The following CTNNA3 variants were observed in gnomAD, a reference collection of about 807,000 sequenced individuals.
The protein encoded by CTNNA3 is catenin alpha-3.
A neutral mutation model predicts 95.7 loss-of-function variants in CTNNA3; 76 were observed. The ratio of observed to expected loss-of-function variants is 0.79; its 90% CI spans 0.66 to 0.96. The LOEUF is 0.96. Ranked by LOEUF, CTNNA3 falls within the 40% of genes least tolerant of loss-of-function variation. The probability of loss-of-function intolerance (pLI) is 0.00; values close to 1 mark genes in which losing one functional copy is unlikely to be tolerated. For missense variants in CTNNA3, 1,191 were observed against 1,089.8 expected (o/e 1.09, Z -1.31); for synonymous variants, 431 against 374.4 (o/e 1.15, Z -1.74).
chr10:67,364,119 T>A (rs1238073734), intron 5 of CTNNA3, among the ~76,000 whole-genome samples: 1 of 152,158 alleles, frequency 6.6e-6, no homozygotes, highest in African/African-American at 2.4e-5. Context: ...TCAAAAAGCT[T>A]ATCCACCATG....
intron 5 of CTNNA3, among the ~76,000 whole-genome samples, chr10:67,504,454 A>C (rs1310885300): frequency 1.3e-5 from 2 of 150,316 alleles, no homozygotes; most frequent in Non-Finnish European, 3.0e-5. Context: ...AAAAAAAAAA[A>C]AAAAAACAGA....
At chr10:67,293,979 G>A (rs75061354) in intron 5 of CTNNA3, among the ~76,000 whole-genome samples, 3 of 151,958 alleles carry the variant, frequency 2.0e-5, no homozygotes, top group Admixed American at 1.3e-4. Context: ...ATAAACATAC[G>A]ATAAATTACA....
chr10:66,531,161 C>T (rs1841453132), intron 10 of CTNNA3, among the ~76,000 whole-genome samples: 1 of 152,040 alleles, frequency 6.6e-6, no homozygotes, highest in African/African-American at 2.4e-5. Context: ...ATATAAAATG[C>T]ATTGCTTGTG....
At chr10:66,393,989 A>G (rs959608315) in intron 11 of CTNNA3, among the ~76,000 whole-genome samples, 2 of 152,084 alleles carry the variant, frequency 1.3e-5, no homozygotes, top group Admixed American at 1.3e-4. Flanking sequence ...TTCCAAATGT[A>G]TAATGGGAAG....
chr10:66,062,229 A>G (rs1172556364), intron 15 of CTNNA3, among the ~76,000 whole-genome samples: 1 of 152,178 alleles, frequency 6.6e-6, no homozygotes, highest in Non-Finnish European at 1.5e-5. Flanking sequence ...TAATAAAATA[A>G]TATTTGAATA....
chr10:67,274,314 A>G (rs772942688), intron 5 of CTNNA3, among the ~76,000 whole-genome samples: 25 of 152,192 alleles, frequency 1.6e-4, no homozygotes, highest in Non-Finnish European at 2.6e-4. Context: ...TTTATACCAG[A>G]CCAAAAAAGA....
chr10:67,761,678 A>G (rs1347187375), intron 1 of CTNNA3, among the ~76,000 whole-genome samples: 1 of 152,146 alleles, frequency 6.6e-6, no homozygotes, highest in African/African-American at 2.4e-5. Flanking sequence ...GGAGATCGAG[A>G]CCATCCTGGC....
intron 15 of CTNNA3, among the ~76,000 whole-genome samples, chr10:66,042,232 T>G (rs752930310): frequency 1.2e-4 from 18 of 152,196 alleles, no homozygotes; most frequent in Non-Finnish European, 2.4e-4. Context: ...CTCCAGGGCT[T>G]CTATAAAACT....
chr10:66,391,094 A>C (rs942732415), intron 11 of CTNNA3, among the ~76,000 whole-genome samples: 2 of 152,168 alleles, frequency 1.3e-5, no homozygotes, highest in African/African-American at 4.8e-5. Context: ...TAATTTTACA[A>C]AAGTTTTGTT....
Position 66,742,412 on chromosome 10 carries a change from C to T in CTNNA3, c.1281+23852G>A, listed in dbSNP as rs117099295. Among the ~76,000 whole-genome samples, 895 of 152,244 alleles carry T rather than the reference C, an allele frequency of 5.9e-3. 4 individuals are homozygous for T. The highest frequency in any genetic ancestry group is 0.015 in the African/African-American group (608 of 41,530). On this transcript the variant is annotated intron_variant, in intron 9 of 17. Transcript: ENST00000433211. ...GAAACTTCATTATCAATTTTAATTT[C>T]GCCCAGGTCCTGTGGTCCTGTGATC...
intron 11 of CTNNA3, among the ~76,000 whole-genome samples, chr10:66,436,622 T>C (rs957323977): frequency 2.7e-5 from 4 of 149,710 alleles, no homozygotes; most frequent in Admixed American, 6.7e-5. Context: ...ACAGGACACC[T>C]ATGGGTCTTG....
chr10:66,620,241 T>C (rs1017069119), intron 10 of CTNNA3, among the ~76,000 whole-genome samples: 3 of 152,152 alleles, frequency 2.0e-5, no homozygotes, highest in Admixed American at 6.6e-5. Context: ...ATCATATGTT[T>C]ACCTTAAAGT....
chr10:67,338,972 G>A (rs554529009), intron 5 of CTNNA3, among the ~76,000 whole-genome samples: 1 of 152,222 alleles, frequency 6.6e-6, no homozygotes, highest in East Asian at 1.9e-4. Context: ...GGAATCATTG[G>A]GGTCTTCATA....
intron 13 of CTNNA3, among the ~76,000 whole-genome samples, chr10:66,278,292 T>A (rs981482098): frequency 6.6e-6 from 1 of 151,398 alleles, no homozygotes; most frequent in Non-Finnish European, 1.5e-5. Context: ...AGAAATAACA[T>A]AAGAACAAGT....
chr10:66,300,469 A>G (rs2091845149), intron 12 of CTNNA3, among the ~76,000 whole-genome samples: 1 of 152,162 alleles, frequency 6.6e-6, no homozygotes, highest in South Asian at 2.1e-4. Flanking sequence ...AGGGAGTAGT[A>G]GCTTTATACT....
At chr10:67,581,633 G>T (rs910058302) in intron 3 of CTNNA3, among the ~76,000 whole-genome samples, 3 of 152,190 alleles carry the variant, frequency 2.0e-5, no homozygotes, top group African/African-American at 7.2e-5. Flanking sequence ...CAGAAGGAAT[G>T]GTACCAGCTC....
At chr10:66,636,376 G>C (rs1042983671) in intron 9 of CTNNA3, among the ~76,000 whole-genome samples, 1 of 152,028 alleles carries the variant, frequency 6.6e-6, no homozygotes, top group Non-Finnish European at 1.5e-5. Context: ...GCCATTACTA[G>C]AGGATAGGAT....
At chr10:66,579,830 G>A (rs1187022803) in intron 10 of CTNNA3, among the ~76,000 whole-genome samples, 3 of 151,636 alleles carry the variant, frequency 2.0e-5, no homozygotes, top group Admixed American at 1.3e-4. Flanking sequence ...CCTGGTTTCC[G>A]ATGAGAGATC....
rs185921291 is a variant in CTNNA3 at position 66,552,158 on chromosome 10, C to T, written c.1375-31385G>A. On this transcript the variant is annotated intron_variant, in intron 10 of 17. Transcript: ENST00000433211. Reference sequence around the variant, plus strand: ...GACCTCTTGATCCACCCGCCTTGGCCTCCCAAGGTGCTGGGATTATAGGCA... The same window carrying T: ...GACCTCTTGATCCACCCGCCTTGGCTTCCCAAGGTGCTGGGATTATAGGCA... 4.6e-3 allele frequency among the ~76,000 whole-genome samples: 699 copies of T among 152,150 alleles called. 3 individuals carry two copies. Among genetic ancestry groups the T allele is most frequent in the Non-Finnish European group, 7.5e-3 (512 of 67,984 alleles).
Sources: allele counts gnomAD v4.1 joint callset (sites outside exome capture counted in the v4.1 genomes callset), GRCh38; gene constraint gnomAD v4.1.1; transcripts MANE v1.5; gene names NCBI Gene and HGNC (gene_info 2026-07-23, HGNC 2026-07-21).